The following ANKRD44 variants were observed in gnomAD, a reference collection of about 807,000 sequenced individuals.
ANKRD44 encodes the protein serine/threonine-protein phosphatase 6 regulatory ankyrin repeat subunit B.
Under a neutral mutation model 116.0 loss-of-function variants are expected in ANKRD44, and 35 were observed. The observed-to-expected ratio is 0.30, with a 90% CI of 0.23 to 0.40. The LOEUF (loss-of-function observed/expected upper bound fraction) is 0.40, where lower values mean the gene tolerates loss of function less well. Among genes scored for constraint, ANKRD44 ranks in the 10% least tolerant of loss-of-function variants. ANKRD44 has a pLI of 1.00. For synonymous variants in ANKRD44, 435 were observed against 461.8 expected, an observed-to-expected ratio of 0.94 and a Z score of 0.74; for missense variants, 1,014 against 1,242.6, an observed-to-expected ratio of 0.82 and a Z score of 2.77.
At chr2:197,130,995 A>G (rs1302821150) in intron 4 of ANKRD44, among the ~76,000 whole-genome samples, 1 of 152,228 alleles carries the variant, frequency 6.6e-6, no homozygotes, top group Non-Finnish European at 1.5e-5. Flanking sequence ...ATGGTGGTTA[A>G]GCAGGCAGCT....
In ANKRD44 at chr2:197,081,648, G is replaced by C; in HGVS notation, c.1535C>G (p.Thr512Arg). Residue 512 changes from threonine to arginine, a missense_variant, in exon 15 of 28, where the codon ACA (threonine) becomes AGA (arginine). Transcript: ENST00000282272. ...RARELKEKEA[T>R]LCLEFLLQND... ...CTTAAGCTGAGAAGAAACTTACAGT[G>C]TGGCTTCCTTTTCCTTCAGCTCCCT... 6.2e-7 allele frequency: 1 copy of C among 1,613,458 alleles called. No homozygotes were observed. The highest frequency in any genetic ancestry group is 8.5e-7 in the Non-Finnish European group (1 of 1,179,468).
At chr2:197,174,435 A>G (rs2080316398) in intron 2 of ANKRD44, among the ~76,000 whole-genome samples, 1 of 152,266 alleles carries the variant, frequency 6.6e-6, no homozygotes, top group African/African-American at 2.4e-5. Flanking sequence ...GGAACATATA[A>G]TGTTGAGTGA....
At chr2:197,268,418 AT>A (rs1284844157) in intron 1 of ANKRD44, among the ~76,000 whole-genome samples, 15 of 152,352 alleles carry the variant, frequency 9.8e-5, no homozygotes, top group African/African-American at 3.4e-4. Context: ...GAGAGAAACT[AT>A]CATTTTTTGT....
intron 2 of ANKRD44, among the ~76,000 whole-genome samples, chr2:197,158,045 G>A (rs2079864885): frequency 6.6e-6 from 1 of 152,194 alleles, no homozygotes; most frequent in Non-Finnish European, 1.5e-5. Context: ...CAGAACATGG[G>A]AAAGGGTTCT....
chr2:197,308,662 T>C (rs193047855), intron 1 of ANKRD44, among the ~76,000 whole-genome samples: 2 of 152,352 alleles, frequency 1.3e-5, no homozygotes, highest in Non-Finnish European at 1.5e-5. Context: ...TACTAGTTTA[T>C]TGGGGGAAGG....
intron 1 of ANKRD44, among the ~76,000 whole-genome samples, chr2:197,234,403 G>T (rs944415584): frequency 6.6e-6 from 1 of 152,142 alleles, no homozygotes; most frequent in African/African-American, 2.4e-5. Flanking sequence ...TGTTGCCCAG[G>T]CTGGTCTTGA....
At chr2:197,121,585 G>A in intron 7 of ANKRD44, 41 bp from the exon 8 acceptor site, 1 of 1,540,654 alleles carries the variant, frequency 6.5e-7, no homozygotes, top group Non-Finnish European at 8.9e-7. Context: ...AGTCATTAGA[G>A]CCAGTTTACT....
chr2:197,128,911 C>T (rs940341420), intron 4 of ANKRD44, among the ~76,000 whole-genome samples: 4 of 150,872 alleles, frequency 2.7e-5, no homozygotes, highest in Non-Finnish European at 5.9e-5. Flanking sequence ...TTGTAAAATA[C>T]AATAAAAAGT....
At chr2:197,270,799 G>T (rs146657899) in intron 1 of ANKRD44, among the ~76,000 whole-genome samples, 1 of 152,158 alleles carries the variant, frequency 6.6e-6, no homozygotes, top group African/African-American at 2.4e-5. Context: ...TGGAGGGAGC[G>T]GAGCCAGCTG....
intron 1 of ANKRD44, among the ~76,000 whole-genome samples, chr2:197,218,795 T>A (rs2081514671): frequency 8.3e-6 from 1 of 120,646 alleles, no homozygotes; most frequent in Non-Finnish European, 1.7e-5. Flanking sequence ...AGTCTTGCTC[T>A]GTCACCCAGG....
intron 2 of ANKRD44, among the ~76,000 whole-genome samples, chr2:197,171,620 A>G (rs1199542981): frequency 1.3e-5 from 2 of 152,234 alleles, no homozygotes; most frequent in Non-Finnish European, 2.9e-5. Flanking sequence ...GATGTAAGAT[A>G]TGCACTTGTC....
chr2:197,270,064 C>CA (rs1165639565), intron 1 of ANKRD44, among the ~76,000 whole-genome samples: 7 of 152,184 alleles, frequency 4.6e-5, no homozygotes, highest in Admixed American at 3.3e-4. Context: ...CAGCAACTCC[C>CA]AGTCATGACA....
At chr2:197,211,111 G>T (rs998167406) in intron 1 of ANKRD44, among the ~76,000 whole-genome samples, 2 of 152,158 alleles carry the variant, frequency 1.3e-5, no homozygotes, top group African/African-American at 4.8e-5. Flanking sequence ...TGCTCTCTAA[G>T]GACTCCTTGG....
At chr2:196,975,866 G>C (rs2075757129) in intron 21 of ANKRD44, among the ~76,000 whole-genome samples, 1 of 148,698 alleles carries the variant, frequency 6.7e-6, no homozygotes. Context: ...AGAAAGAAAA[G>C]AGAAAGAAAG....
At chr2:196,984,075 G>C (rs531736086), downstream of ANKRD44, among the ~76,000 whole-genome samples, 1 of 152,290 alleles carries the variant, frequency 6.6e-6, no homozygotes, top group East Asian at 1.9e-4. Context: ...TATAAAGTAT[G>C]TTTATGCAAT....
At chr2:197,240,150 G>C (rs1170768293) in intron 1 of ANKRD44, among the ~76,000 whole-genome samples, 2 of 151,986 alleles carry the variant, frequency 1.3e-5, no homozygotes, top group Non-Finnish European at 2.9e-5. Flanking sequence ...AGAGGCAGGT[G>C]AATCGCCTGA....
chr2:197,180,767 A>T (rs2080483342), intron 2 of ANKRD44, among the ~76,000 whole-genome samples: 1 of 152,224 alleles, frequency 6.6e-6, no homozygotes, highest in Admixed American at 6.5e-5. Flanking sequence ...CTTAAAGAAG[A>T]TATTAAATTG....
At chr2:197,304,517 A>G (rs980825713) in intron 1 of ANKRD44, among the ~76,000 whole-genome samples, 7 of 152,180 alleles carry the variant, frequency 4.6e-5, no homozygotes, top group African/African-American at 1.7e-4. Flanking sequence ...CATTTGTAAG[A>G]AATGCTATAA....
chr2:197,072,530 T>C (rs1310032080), intron 16 of ANKRD44, among the ~76,000 whole-genome samples: 1 of 152,196 alleles, frequency 6.6e-6, no homozygotes, highest in Non-Finnish European at 1.5e-5. Flanking sequence ...TGAAATACCT[T>C]CCTAACAAAC....
Sources: allele counts gnomAD v4.1 joint callset (sites outside exome capture counted in the v4.1 genomes callset), GRCh38; gene constraint gnomAD v4.1.1; transcripts MANE v1.5; gene names NCBI Gene and HGNC (gene_info 2026-07-23, HGNC 2026-07-21).